The following PLXNA4 variants were observed in gnomAD, a reference collection of about 807,000 sequenced individuals.
PLXNA4 encodes the protein plexin-A4.
A neutral mutation model predicts 191.8 loss-of-function variants in PLXNA4; 44 were observed. The observed-to-expected ratio is 0.23, with a 90% confidence interval of 0.18 to 0.29. The LOEUF (loss-of-function observed/expected upper bound fraction) is 0.29. Among genes scored for constraint, PLXNA4 ranks in the 10% least tolerant of loss-of-function variants. The probability of loss-of-function intolerance (pLI) is 1.00; values close to 1 mark genes in which losing one functional copy is unlikely to be tolerated. For synonymous variants in PLXNA4, 1,082 were observed against 1,009.5 expected, an observed-to-expected ratio of 1.07 and a Z score of -1.36; for missense variants, 1,800 against 2,488.8, an observed-to-expected ratio of 0.72 and a Z score of 5.89.
intron 2 of PLXNA4, among the ~76,000 whole-genome samples, chr7:132,604,286 C>G (rs1802882218): frequency 6.6e-6 from 1 of 152,174 alleles, no homozygotes; most frequent in Non-Finnish European, 1.5e-5. Context: ...GATGGGGACC[C>G]TGTGCTCTGC....
chr7:132,534,496 A>T (rs758552860), intron 1 of PLXNA4, among the ~76,000 whole-genome samples: 10 of 151,826 alleles, frequency 6.6e-5, no homozygotes, highest in Non-Finnish European at 1.0e-4. Flanking sequence ...ATCTGGCTCC[A>T]GGGGCCCTGT....
At chr7:132,241,932 A>T (rs1156771343) in intron 4 of PLXNA4, among the ~76,000 whole-genome samples, 1 of 152,184 alleles carries the variant, frequency 6.6e-6, no homozygotes, top group Non-Finnish European at 1.5e-5. Context: ...ATTTTTGCTT[A>T]GCCCAAATGC....
intron 8 of PLXNA4, among the ~76,000 whole-genome samples, chr7:132,225,852 T>C (rs1170069225): frequency 6.6e-6 from 1 of 152,180 alleles, no homozygotes; most frequent in African/African-American, 2.4e-5. Flanking sequence ...GGAATTGAGT[T>C]AGAAGGATTG....
chr7:132,421,901 G>A (rs982807488), intron 3 of PLXNA4, among the ~76,000 whole-genome samples: 4 of 152,184 alleles, frequency 2.6e-5, no homozygotes, highest in South Asian at 2.1e-4. Context: ...TCACTGCTTC[G>A]CTGCAACCCT....
intron 3 of PLXNA4, among the ~76,000 whole-genome samples, chr7:132,316,629 T>C (rs1801955486): frequency 1.3e-5 from 2 of 152,178 alleles, no homozygotes; most frequent in South Asian, 2.1e-4. Context: ...GTTTGGGAAG[T>C]GTCCTTAGGC....
chr7:132,578,450 G>T (rs1802337555), upstream of PLXNA4, among the ~76,000 whole-genome samples: 1 of 152,100 alleles, frequency 6.6e-6, no homozygotes, highest in Non-Finnish European at 1.5e-5. Context: ...CCCTCCCATC[G>T]AAACATCTCA....
intron 27 of PLXNA4, 75 bp downstream of exon 27, chr7:132,147,825 T>G: frequency 6.3e-7 from 1 of 1,599,360 alleles, no homozygotes; most frequent in Non-Finnish European, 8.5e-7. Context: ...TCTCCTGCCT[T>G]CTGGCTATGC....
At chr7:132,492,792 G>C (rs1231234622) in intron 2 of PLXNA4, among the ~76,000 whole-genome samples, 1 of 152,182 alleles carries the variant, frequency 6.6e-6, no homozygotes, top group African/African-American at 2.4e-5. Context: ...CTATAGAGCG[G>C]GTAAGCTTAT....
intron 9 of PLXNA4, among the ~76,000 whole-genome samples, chr7:132,211,507 T>C (rs1280383152): frequency 1.3e-5 from 2 of 152,228 alleles, no homozygotes; most frequent in East Asian, 3.9e-4. Flanking sequence ...ATGATTTCTT[T>C]GCCTGCTAAG....
At chr7:132,162,281 G>T (rs1205991424) in intron 24 of PLXNA4, among the ~76,000 whole-genome samples, 1 of 152,184 alleles carries the variant, frequency 6.6e-6, no homozygotes, top group Non-Finnish European at 1.5e-5. Context: ...CCCTGTGGCC[G>T]TTTCTTCTCC....
chr7:132,209,876 G>A (rs752038601), intron 10 of PLXNA4, among the ~76,000 whole-genome samples: 1 of 152,176 alleles, frequency 6.6e-6, no homozygotes, highest in Non-Finnish European at 1.5e-5. Context: ...CTCACTAGTT[G>A]TGTGACCTTG....
At chr7:132,462,275 TCAC>T (rs959548234) in intron 3 of PLXNA4, among the ~76,000 whole-genome samples, 2 of 151,882 alleles carry the variant, frequency 1.3e-5, no homozygotes, top group African/African-American at 4.8e-5. Flanking sequence ...ACTTTCCAAA[TCAC>T]CAAAAGGGAG....
chr7:132,167,583 G>A (rs774894194), intron 22 of PLXNA4, among the ~76,000 whole-genome samples: 4 of 152,010 alleles, frequency 2.6e-5, no homozygotes, highest in Non-Finnish European at 5.9e-5. Flanking sequence ...TGCCCAGGCT[G>A]GAGTGCAGTG....
chr7:132,515,195 C>T (rs193098259), intron 1 of PLXNA4, among the ~76,000 whole-genome samples: 213 of 152,258 alleles, frequency 1.4e-3, no homozygotes, highest in African/African-American at 4.9e-3. Flanking sequence ...CTAGTGCCAT[C>T]TTGTAATCAC....
chr7:132,487,886 C>A (rs917993269), intron 3 of PLXNA4, among the ~76,000 whole-genome samples: 1 of 152,186 alleles, frequency 6.6e-6, no homozygotes, highest in Non-Finnish European at 1.5e-5. Context: ...ATTGCGCTTA[C>A]CATTTTCTTC....
chr7:132,197,391 T>C (rs1315054512), intron 13 of PLXNA4, among the ~76,000 whole-genome samples: 1 of 152,230 alleles, frequency 6.6e-6, no homozygotes, highest in Non-Finnish European at 1.5e-5. Context: ...CTATCTTACT[T>C]TACTGATCTA....
At chr7:132,225,927 C>T (rs1798307448) in intron 8 of PLXNA4, among the ~76,000 whole-genome samples, 2 of 152,268 alleles carry the variant, frequency 1.3e-5, no homozygotes, top group African/African-American at 2.4e-5. Context: ...TCATTTTCTG[C>T]TCTTCTAGTC....
At chr7:132,408,560 T>C (rs1794321272) in intron 3 of PLXNA4, among the ~76,000 whole-genome samples, 1 of 151,896 alleles carries the variant, frequency 6.6e-6, no homozygotes, top group African/African-American at 2.4e-5. Context: ...ACCACCCGGG[T>C]TCAAGTGATT....
At chr7:132,474,332 T>C (rs976645268) in intron 3 of PLXNA4, among the ~76,000 whole-genome samples, 2 of 151,942 alleles carry the variant, frequency 1.3e-5, no homozygotes, top group Non-Finnish European at 2.9e-5. Context: ...ACATTTATCC[T>C]GTAGAGGCAA....
Sources: gnomAD v4.1 joint callset for allele counts (sites outside exome capture counted in the v4.1 genomes callset) on GRCh38, gnomAD v4.1.1 for gene constraint, MANE v1.5 for transcripts, NCBI Gene and HGNC (gene_info 2026-07-23, HGNC 2026-07-21) for gene names.